Variants in DYSF observed in about 807,000 individuals in gnomAD.
DYSF encodes dystrophy-associated fer-1-like 1.
DYSF carries 212 observed loss-of-function variants against 274.9 expected under a neutral mutation model. The observed-to-expected ratio is 0.77, with a 90% CI of 0.69 to 0.86. DYSF has a LOEUF of 0.86. Among genes scored for constraint, DYSF ranks in the 40% least tolerant of loss-of-function variants. The pLI is 0.00. For synonymous variants in DYSF, 1,091 were observed against 1,078.7 expected (o/e 1.01, Z -0.22); for missense variants, 2,666 against 2,783.2 (o/e 0.96, Z 0.95).
intron 3 of DYSF, among the ~76,000 whole-genome samples, chr2:71,483,584 G>A (rs2083112805): frequency 6.6e-6 from 1 of 152,220 alleles, no homozygotes. Flanking sequence ...GAAGAATTGA[G>A]AGGGGGGTCT....
At chr2:71,476,804 T>A (rs1035227917) in intron 1 of DYSF, among the ~76,000 whole-genome samples, 3 of 149,260 alleles carry the variant, frequency 2.0e-5, no homozygotes, top group Admixed American at 6.7e-5. Flanking sequence ...ACTGCTTAAG[T>A]GACAAACCGA....
intron 30 of DYSF, among the ~76,000 whole-genome samples, chr2:71,580,068 C>G (rs999675936): frequency 1.3e-5 from 2 of 152,262 alleles, no homozygotes; most frequent in Non-Finnish European, 2.9e-5. Context: ...CATTCCCCCA[C>G]TTCTATGAGG....
chr2:71,602,708 G>T, intron 35 of DYSF, 68 bp from the exon 36 acceptor site: 7 of 1,565,790 alleles, frequency 4.5e-6, no homozygotes, highest in South Asian at 2.3e-5. Flanking sequence ...TACTAATAGA[G>T]AACTTTTTCC....
chr2:71,494,771 C>A (rs1355382530), intron 3 of DYSF, among the ~76,000 whole-genome samples: 1 of 152,212 alleles, frequency 6.6e-6, no homozygotes, highest in Non-Finnish European at 1.5e-5. Flanking sequence ...CTCATCTCTT[C>A]CATCCTTGAT....
intron 1 of DYSF, among the ~76,000 whole-genome samples, chr2:71,477,361 G>A (rs6753962): frequency 0.091 from 13,884 of 152,024 alleles, 909 homozygotes; most frequent in African/African-American, 0.18. Context: ...TGGGGTGCAG[G>A]CTTTAGCATG....
At chr2:71,577,527 C>CCT (rs1553363931) in intron 30 of DYSF, among the ~76,000 whole-genome samples, 1 of 111,506 alleles carries the variant, frequency 9.0e-6, no homozygotes, top group South Asian at 3.5e-4. Context: ...ATGCAGCCCC[C>CCT]CCACTCTCAC....
intron 1 of DYSF, among the ~76,000 whole-genome samples, chr2:71,455,862 C>A (rs2081040395): frequency 1.3e-5 from 2 of 152,134 alleles, no homozygotes; most frequent in African/African-American, 4.8e-5. Context: ...GACCACATGC[C>A]CCCTCTGCAC....
intron 51 of DYSF, 119 bp from the exon 52 acceptor site, chr2:71,674,078 G>T: frequency 1.2e-6 from 1 of 859,676 alleles, no homozygotes; most frequent in Non-Finnish European, 1.9e-6. Flanking sequence ...GCTCTGGCAG[G>T]TCCCTTGGGG....
At position 71,520,798 on chromosome 2, in the gene DYSF, A is replaced by G. The variant is rs1307859523; in HGVS notation, c.1043A>G (p.Tyr348Cys). 12 of 1,613,990 alleles carry G rather than the reference A, an allele frequency of 7.4e-6. No homozygotes were observed. The highest frequency in any genetic ancestry group is 1.0e-5 in the Non-Finnish European group (12 of 1,179,954). The stretch of plus-strand genomic sequence containing the variant: ...ATGTTGTCTCTCTTAGGGCACGCCT[A>G]TCTCAGGAAGTGGCTGCTGCTCTCA... ...GTIYREPRHAYLRKWLLLSDP... is the reference protein window; with the variant it reads ...GTIYREPRHACLRKWLLLSDP... Residue 348 changes from tyrosine to cysteine, a missense_variant, in exon 12 of 56, where the codon TAT becomes TGT. By Grantham distance (194) the Tyr-to-Cys change is radical. Coordinates refer to ENST00000410020, the MANE Select transcript of DYSF (RefSeq NM_001130987.2).
At chr2:71,618,402 T>G (rs2093982677) in intron 40 of DYSF, among the ~76,000 whole-genome samples, 4 of 69,602 alleles carry the variant, frequency 5.7e-5, no homozygotes, top group Non-Finnish European at 8.1e-5. Context: ...TGTGTGTGTG[T>G]GGTAGAGGTG....
chr2:71,658,880 C>A lies in DYSF; in HGVS notation c.4758C>A (p.Gly1586=). ...EDPSVIGEFK[G]LFKIYPLPED... ...AATTAACCCTTCCTTCTTTTCAGGGCCTCTTCAAAATTTATCCCCTCCCAG... is the reference window on the plus strand; with the variant it reads ...AATTAACCCTTCCTTCTTTTCAGGGACTCTTCAAAATTTATCCCCTCCCAG... Residue 1586 remains glycine (G), a splice_region_variant and synonymous_variant, in exon 44 of 56, where the codon GGC becomes GGA. Transcript: ENST00000410020. 1 of 1,614,140 alleles carries A rather than the reference C, an allele frequency of 6.2e-7. No homozygotes were observed. Among genetic ancestry groups the A allele is most frequent in the Non-Finnish European group, 8.5e-7 (1 of 1,180,032 alleles).
intron 1 of DYSF, among the ~76,000 whole-genome samples, chr2:71,475,501 G>A (rs912386001): frequency 1.3e-5 from 2 of 152,184 alleles, no homozygotes; most frequent in African/African-American, 4.8e-5. Flanking sequence ...GAGCACCAAA[G>A]AGAGATCAGC....
rs534446338 is a variant in DYSF, at chr2:71,666,268, AG to A, written c.5317+965del. Among the ~76,000 whole-genome samples, 222 of 152,344 alleles carry A rather than the reference AG, an allele frequency of 1.5e-3. 1 individual carries two copies. The highest frequency in any genetic ancestry group is 5.1e-3 in the African/African-American group (210 of 41,582). On this transcript the variant is annotated intron_variant, in intron 47 of 55. Transcript: ENST00000410020. ...TAGGAAACAAAAGCCAGAAAGCTAG[AG>A]ATGGTGAGGTCCAACATCTGCCTGC...
At chr2:71,493,179 G>A (rs1173491064) in intron 3 of DYSF, among the ~76,000 whole-genome samples, 1 of 152,172 alleles carries the variant, frequency 6.6e-6, no homozygotes, top group Non-Finnish European at 1.5e-5. Context: ...GGGAGCTACA[G>A]CACCTGGCTG....
intron 3 of DYSF, among the ~76,000 whole-genome samples, chr2:71,489,492 C>A (rs970859548): frequency 6.6e-6 from 1 of 152,232 alleles, no homozygotes; most frequent in Non-Finnish European, 1.5e-5. Flanking sequence ...GACATAGGGC[C>A]ATCTCTGAGC....
chr2:71,573,405 G>A (rs2092590568), intron 29 of DYSF, among the ~76,000 whole-genome samples: 1 of 152,158 alleles, frequency 6.6e-6, no homozygotes, highest in Non-Finnish European at 1.5e-5. Flanking sequence ...TGTGCTCCTG[G>A]CCCAGACCTG....
At chr2:71,527,033 G>A (rs1353041507) in intron 13 of DYSF, among the ~76,000 whole-genome samples, 1 of 152,242 alleles carries the variant, frequency 6.6e-6, no homozygotes, top group Non-Finnish European at 1.5e-5. Flanking sequence ...ATGCTGGGGA[G>A]TTATACCGAA....
At chr2:71,644,243 G>A (rs576199388) in intron 42 of DYSF, among the ~76,000 whole-genome samples, 180 bp downstream of exon 42, 7 of 152,258 alleles carry the variant, frequency 4.6e-5, no homozygotes, top group East Asian at 1.9e-4. Flanking sequence ...TTTACAGCCC[G>A]AAGCAAGTGT....
rs149087116 is a variant in DYSF, at chr2:71,664,358, C to T, written c.5094C>T (p.Ile1698=). 9.3e-5 allele frequency: 150 copies of T among 1,614,054 alleles called. No individual in the cohort carries two copies. In the Admixed American group the frequency reaches 1.2e-3, roughly 13 times the overall value. The change falls in exon 46 of 56, where the codon ATC becomes ATT. Residue 1698 remains isoleucine, a synonymous_variant. Transcript: ENST00000410020. ...ACCTCCTCTCCAAGGACGAAAAGAT[C>T]GGTGAGACGGTCGTCGACCTGGAGA... ...DYDLLSKDEK[I]GETVVDLENR...
Sources: allele counts gnomAD v4.1 joint callset (sites outside exome capture counted in the v4.1 genomes callset), GRCh38; gene constraint gnomAD v4.1.1; transcripts MANE v1.5; gene names NCBI Gene and HGNC (gene_info 2026-07-23, HGNC 2026-07-21).